Variants in ATP13A4 observed in about 807,000 individuals in gnomAD.
ATP13A4 encodes ATPase 13A4.
ATP13A4 carries 114 observed loss-of-function variants against 142.5 expected under a neutral mutation model. The ratio of observed to expected loss-of-function variants is 0.80; its 90% CI spans 0.69 to 0.93. The LOEUF (loss-of-function observed/expected upper bound fraction) is 0.93. Among genes scored for constraint, ATP13A4 ranks in the 40% least tolerant of loss-of-function variants. The pLI is 0.00. For missense variants in ATP13A4, 1,392 were observed against 1,454.0 expected (o/e 0.96, Z 0.69); for synonymous variants, 488 against 514.8 (o/e 0.95, Z 0.70).
At chr3:193,518,209 C>T (rs1184512996) in intron 1 of ATP13A4, among the ~76,000 whole-genome samples, 3 of 152,102 alleles carry the variant, frequency 2.0e-5, no homozygotes, top group Non-Finnish European at 4.4e-5. Context: ...CAGAAAATAA[C>T]CCAGATGCCA....
At chr3:193,490,399 G>C (rs1719880386) in intron 6 of ATP13A4, among the ~76,000 whole-genome samples, 1 of 152,158 alleles carries the variant, frequency 6.6e-6, no homozygotes. Context: ...TCTTCTCTAT[G>C]ATATAACACC....
Position 193,455,340 on chromosome 3 carries a change from CAAAAAAAAA to C in ATP13A4, c.1916-1137_1916-1129del, listed in dbSNP as rs71179306. Among the ~76,000 whole-genome samples, 15 of 75,608 alleles carry C rather than the reference CAAAAAAAAA, an allele frequency of 2.0e-4. 1 individual carries two copies. The highest frequency in any genetic ancestry group is 7.9e-4 in the African/African-American group (15 of 19,028). The allele number at this position is 75,608 out of a possible 152,430, so 49.6% of individuals were successfully genotyped here. ...TGGGCAACAGAGCGAGACTCCGTCTCAAAAAAAAAAAAAAAAAAAAAAAGTAGGCAAAGG... is the reference window on the plus strand; with the variant it reads ...TGGGCAACAGAGCGAGACTCCGTCTCAAAAAAAAAAAAAAGTAGGCAAAGG... On this transcript the variant is annotated intron_variant, in intron 16 of 29. Transcript: ENST00000342695.
At chr3:193,556,801 A>G (rs922041484), upstream of ATP13A4, among the ~76,000 whole-genome samples, 2 of 152,272 alleles carry the variant, frequency 1.3e-5, no homozygotes, top group Non-Finnish European at 1.5e-5. Flanking sequence ...ATTATACCTC[A>G]AAAAAACCTA....
chr3:193,584,085 G>C (rs1241099776), intron 1 of ATP13A4, among the ~76,000 whole-genome samples: 1 of 152,078 alleles, frequency 6.6e-6, no homozygotes, highest in South Asian at 2.1e-4. Context: ...ACAGAATAAC[G>C]CTTCCCACAA....
chr3:193,462,114 C>T (rs938750618), intron 13 of ATP13A4, among the ~76,000 whole-genome samples: 2 of 151,180 alleles, frequency 1.3e-5, no homozygotes, highest in Non-Finnish European at 2.9e-5. Flanking sequence ...CTCAGCTACT[C>T]GGGAGGCTGA....
chr3:193,573,303 A>ATACTTATATATATATATGTGTG (rs1724323852), intron 2 of ATP13A4, among the ~76,000 whole-genome samples: 3 of 99,282 alleles, frequency 3.0e-5, no homozygotes, highest in Admixed American at 9.4e-5. Flanking sequence ...ATATATATAT[A>ATACTTATATATATATATGTGTG]TATACATATA....
intron 20 of ATP13A4, 147 bp from the exon 21 acceptor site, chr3:193,440,784 G>T: frequency 1.2e-6 from 1 of 837,554 alleles, no homozygotes; most frequent in Non-Finnish European, 1.9e-6. Context: ...TGGATTTTAA[G>T]ACAAACATTG....
At position 193,464,438 on chromosome 3, in the gene ATP13A4, G is replaced by A. The variant is rs185639541; in HGVS notation, c.1461+502C>T. On this transcript the variant is annotated intron_variant, in intron 12 of 29. Coordinates refer to ENST00000342695, the MANE Select transcript of ATP13A4 (RefSeq NM_032279.4). ...GGGAATAACTGGCAAATAATCAAGG[G>A]TAATTTTAAGCAATAAAGTACAGAT... is the stretch of plus-strand genomic sequence containing the variant. Among the ~76,000 whole-genome samples the A allele has an allele frequency of 1.7e-3, 260 of 152,262 alleles. 1 individual carries two copies. Among genetic ancestry groups the A allele is most frequent in the African/African-American group, 6.0e-3 (251 of 41,554 alleles).
intron 20 of ATP13A4, 22 bp from the exon 21 acceptor site, chr3:193,440,659 GA>G: frequency 6.2e-7 from 1 of 1,611,764 alleles, no homozygotes; most frequent in Non-Finnish European, 8.5e-7. Flanking sequence ...CCAAAATGGA[GA>G]TTTTTTTATC....
intron 1 of ATP13A4, among the ~76,000 whole-genome samples, chr3:193,536,611 T>G (rs1722603635): frequency 6.6e-6 from 1 of 152,024 alleles, no homozygotes. Context: ...CTCACCACTC[T>G]TACTCAACAT....
At chr3:193,429,298 T>C (rs1047692127) in intron 25 of ATP13A4, among the ~76,000 whole-genome samples, 1 of 152,146 alleles carries the variant, frequency 6.6e-6, no homozygotes, top group Non-Finnish European at 1.5e-5. Flanking sequence ...AGATTCCACT[T>C]TATACCCAAA....
intron 6 of ATP13A4, among the ~76,000 whole-genome samples, chr3:193,490,223 T>C (rs1719872502): frequency 6.6e-6 from 1 of 152,200 alleles, no homozygotes; most frequent in African/African-American, 2.4e-5. Flanking sequence ...TTTTAATCAC[T>C]GCCTCACTTT....
In ATP13A4 at chr3:193,489,932, T is replaced by G. The variant is rs1262419372; in HGVS notation, c.604-68A>C. 6.0e-6 allele frequency: 9 copies of G among 1,502,830 alleles called. No homozygotes were observed. The African/African-American group carries it at 1.2e-4, about 21-fold the overall frequency. 93.1% of individuals were successfully genotyped at this position (1,502,830 alleles called of 1,614,324 possible). On this transcript the variant is annotated intron_variant, in intron 6 of 29. Coordinates refer to ENST00000342695, the MANE Select transcript of ATP13A4 (RefSeq NM_032279.4). ...GGCTTCACTCTGCTCTTCATTTACT[T>G]GTTTTCATAATCATCTTCATGACAT...
intron 1 of ATP13A4, among the ~76,000 whole-genome samples, chr3:193,520,696 AATT>A (rs1297443652): frequency 6.6e-6 from 1 of 152,196 alleles, no homozygotes; most frequent in South Asian, 2.1e-4. Flanking sequence ...TGCAAAAAAA[AATT>A]ATTATTATTA....
At position 193,509,168 on chromosome 3, in the gene ATP13A4, C is replaced by T. The variant is rs140521164; in HGVS notation, c.234+5530G>A. 1.5e-3 allele frequency among the ~76,000 whole-genome samples: 224 copies of T among 152,296 alleles called. 1 individual carries two copies. The highest frequency in any genetic ancestry group is 5.2e-3 in the African/African-American group (217 of 41,558). On this transcript the variant is annotated intron_variant, in intron 2 of 29. Coordinates refer to ENST00000342695, the MANE Select transcript of ATP13A4 (RefSeq NM_032279.4). ...ACCTGCATCACTCTCCATGTGCCTGCCCCCAGCAGCCACCATCACCTTTTA... is the reference window on the plus strand; with the variant it reads ...ACCTGCATCACTCTCCATGTGCCTGTCCCCAGCAGCCACCATCACCTTTTA...
At position 193,414,618 on chromosome 3, in the gene ATP13A4, A is replaced by G. The variant is rs1289187227; in HGVS notation, c.2975T>C (p.Leu992Pro). The G allele has an allele frequency of 2.5e-6, 4 of 1,614,030 alleles. No homozygotes were observed. Among genetic ancestry groups the G allele is most frequent in the Non-Finnish European group, 3.4e-6 (4 of 1,180,014 alleles). Residue 992 changes from leucine (L) to proline (P), a missense_variant, in exon 26 of 30, where the codon CTG (leucine) becomes CCG (proline). Physicochemically the swap from Leu to Pro is moderately conservative, Grantham distance 98 (BLOSUM62 -3). Coordinates refer to ENST00000342695, the MANE Select transcript of ATP13A4 (RefSeq NM_032279.4). ...GGAATACCAAGGCTGCCTCTGAACC[A>G]GGATGAAGCCTGCAATATGCATGGC... The part of the protein sequence containing the change: ...SLAMHIAGFI[L>P]VQRQPWYSVE...
At chr3:193,503,812 T>C (rs189738185) in intron 2 of ATP13A4, among the ~76,000 whole-genome samples, 24 of 152,308 alleles carry the variant, frequency 1.6e-4, no homozygotes, top group Admixed American at 2.0e-4. Flanking sequence ...GCTCAGAGTT[T>C]ATGTCCTGAG....
intron 1 of ATP13A4, among the ~76,000 whole-genome samples, chr3:193,531,453 T>A (rs1450243070): frequency 6.6e-6 from 1 of 151,196 alleles, no homozygotes; most frequent in East Asian, 2.0e-4. Context: ...GGAAGGAAAA[T>A]GTTGATAGAA....
intron 25 of ATP13A4, chr3:193,418,858 C>T (rs992319094): frequency 6.6e-6 from 1 of 150,586 alleles, no homozygotes. Context: ...TGACCCCCTA[C>T]CAGCCTTGAG....
Sources: allele counts gnomAD v4.1 joint callset (sites outside exome capture counted in the v4.1 genomes callset), GRCh38; gene constraint gnomAD v4.1.1; transcripts MANE v1.5; gene names NCBI Gene and HGNC (gene_info 2026-07-23, HGNC 2026-07-21).